Variants in GRM5 observed in about 807,000 individuals in gnomAD.
GRM5 encodes glutamate metabotropic receptor 5, also known as metabotropic glutamate receptor 5.
GRM5 carries 19 observed loss-of-function variants against 83.1 expected under a neutral mutation model. The observed-to-expected ratio is 0.23, with a 90% CI of 0.16 to 0.34. The LOEUF (loss-of-function observed/expected upper bound fraction) is 0.34, where lower values mean the gene tolerates loss of function less well. GRM5 is among the 10% of genes least tolerant of loss of function. The pLI is 1.00. For synonymous variants in GRM5, 675 were observed against 633.6 expected (o/e 1.07, Z -0.98); for missense variants, 1,160 against 1,588.3 (o/e 0.73, Z 4.58).
chr11:88,569,140 G>A (rs1453742717), intron 7 of GRM5, among the ~76,000 whole-genome samples: 1 of 152,124 alleles, frequency 6.6e-6, no homozygotes, highest in Non-Finnish European at 1.5e-5. Flanking sequence ...TGTCCCATTG[G>A]TTGAGCTTCT....
chr11:89,046,110 A>G (rs888909222), intron 2 of GRM5, among the ~76,000 whole-genome samples: 1 of 152,198 alleles, frequency 6.6e-6, no homozygotes, highest in African/African-American at 2.4e-5. Flanking sequence ...GAAGTCTGTG[A>G]TATAGAAAAC....
At chr11:88,632,285 C>T (rs10831191) in intron 4 of GRM5, among the ~76,000 whole-genome samples, 79,788 of 138,238 alleles carry the variant, frequency 0.58, 25,817 homozygotes, top group South Asian at 0.81. Context: ...CTAACTCCTT[C>T]ATCCTGGCTG....
intron 2 of GRM5, among the ~76,000 whole-genome samples, chr11:88,854,491 T>C (rs563385969): frequency 2.0e-5 from 3 of 152,168 alleles, no homozygotes; most frequent in Non-Finnish European, 2.9e-5. Context: ...CTTTCACTAA[T>C]ACTATTTGAC....
At chr11:89,044,371 C>T (rs903843195) in intron 2 of GRM5, among the ~76,000 whole-genome samples, 5 of 152,002 alleles carry the variant, frequency 3.3e-5, no homozygotes, top group Non-Finnish European at 5.9e-5. Flanking sequence ...ACAGTAAATA[C>T]CCAGTCACAC....
At chr11:88,650,556 T>C (rs1939604093) in intron 4 of GRM5, among the ~76,000 whole-genome samples, 1 of 151,920 alleles carries the variant, frequency 6.6e-6, no homozygotes, top group Non-Finnish European at 1.5e-5. Context: ...AACAAGGGTG[T>C]GGAAAAACTT....
At chr11:88,962,500 T>C (rs1222188974) in intron 2 of GRM5, among the ~76,000 whole-genome samples, 1 of 152,174 alleles carries the variant, frequency 6.6e-6, no homozygotes, top group African/African-American at 2.4e-5. Flanking sequence ...ATTGAAACCA[T>C]TACCAATCTG....
At chr11:88,629,783 C>G (rs889904776) in intron 4 of GRM5, among the ~76,000 whole-genome samples, 1 of 152,160 alleles carries the variant, frequency 6.6e-6, no homozygotes, top group African/African-American at 2.4e-5. Flanking sequence ...GCTTACAGCT[C>G]CATGGCAGTC....
intron 3 of GRM5, among the ~76,000 whole-genome samples, chr11:88,830,535 G>C (rs956253323): frequency 1.3e-5 from 2 of 152,178 alleles, no homozygotes; most frequent in Admixed American, 1.3e-4. Context: ...GGGAAGTGAG[G>C]CATCCTTCTC....
At chr11:88,661,157 A>C (rs1403181951) in intron 3 of GRM5, among the ~76,000 whole-genome samples, 1 of 152,218 alleles carries the variant, frequency 6.6e-6, no homozygotes, top group Non-Finnish European at 1.5e-5. Flanking sequence ...TACAAATTTT[A>C]TACTTTGCAC....
chr11:88,987,668 T>G (rs978744083), intron 2 of GRM5, among the ~76,000 whole-genome samples: 4 of 152,042 alleles, frequency 2.6e-5, no homozygotes, highest in East Asian at 1.9e-4. Flanking sequence ...GATCTGAGAA[T>G]GGGCAGACTG....
intron 2 of GRM5, among the ~76,000 whole-genome samples, chr11:88,896,918 G>A (rs1354935277): frequency 1.3e-5 from 2 of 151,856 alleles, no homozygotes; most frequent in Non-Finnish European, 2.9e-5. Flanking sequence ...ATCCAGTCAA[G>A]TTGACACATA....
chr11:88,850,649 G>A (rs1259909353), intron 2 of GRM5, among the ~76,000 whole-genome samples: 3 of 149,678 alleles, frequency 2.0e-5, no homozygotes, highest in Non-Finnish European at 3.0e-5. Flanking sequence ...ATAATATTCA[G>A]TATATTATAT....
chr11:88,820,865 T>C (rs1421332174), intron 3 of GRM5, among the ~76,000 whole-genome samples: 4 of 152,216 alleles, frequency 2.6e-5, no homozygotes, highest in Non-Finnish European at 5.9e-5. Flanking sequence ...AAAAATAGTT[T>C]TTCTAAAATT....
chr11:88,705,428 C>A (rs576428320), intron 3 of GRM5, among the ~76,000 whole-genome samples: 1 of 152,162 alleles, frequency 6.6e-6, no homozygotes, highest in South Asian at 2.1e-4. Flanking sequence ...CTAAATGTAT[C>A]TTTTAAAAAC....
chr11:88,875,922 A>C (rs1944845764), intron 2 of GRM5, among the ~76,000 whole-genome samples: 1 of 152,078 alleles, frequency 6.6e-6, no homozygotes, highest in Non-Finnish European at 1.5e-5. Flanking sequence ...GCACAGGCAG[A>C]GTAGATTTAG....
At chr11:88,594,814 G>A (rs1937754746) in intron 6 of GRM5, among the ~76,000 whole-genome samples, 1 of 152,174 alleles carries the variant, frequency 6.6e-6, no homozygotes, top group Admixed American at 6.5e-5. Context: ...AAGGTTGATT[G>A]AAAACACCAA....
intron 7 of GRM5, 116 bp downstream of exon 7, chr11:88,590,485 T>C: frequency 1.3e-6 from 1 of 777,220 alleles, no homozygotes; most frequent in Non-Finnish European, 2.1e-6. Flanking sequence ...AAGGAAATTA[T>C]TTGTTCCATA....
chr11:88,958,857 A>G (rs972231243), intron 2 of GRM5, among the ~76,000 whole-genome samples: 1 of 152,170 alleles, frequency 6.6e-6, no homozygotes, highest in African/African-American at 2.4e-5. Flanking sequence ...GTATATTTCC[A>G]TAGAAAATAT....
At chr11:88,656,683 T>C (rs888307629) in intron 3 of GRM5, among the ~76,000 whole-genome samples, 1 of 152,134 alleles carries the variant, frequency 6.6e-6, no homozygotes, top group African/African-American at 2.4e-5. Context: ...AAGCACAAGA[T>C]GGCTGTAATA....
Sources: allele counts gnomAD v4.1 joint callset (sites outside exome capture counted in the v4.1 genomes callset), GRCh38; gene constraint gnomAD v4.1.1; transcripts MANE v1.5; gene names NCBI Gene and HGNC (gene_info 2026-07-23, HGNC 2026-07-21).